Variants in RBMXL1 observed in about 807,000 individuals in gnomAD.
RBMXL1 encodes the protein RBMX like 1.
In RBMXL1, 18 loss-of-function variants were observed where a neutral mutation model predicts 29.0. The observed-to-expected ratio is 0.62, with a 90% CI of 0.43 to 0.92. RBMXL1 has a LOEUF of 0.92. RBMXL1 is among the 40% of genes least tolerant of loss of function. The pLI is 0.00. For missense variants in RBMXL1, 403 were observed against 495.8 expected, an observed-to-expected ratio of 0.81 and a Z score of 1.78; for synonymous variants, 141 against 170.4, an observed-to-expected ratio of 0.83 and a Z score of 1.34.
At chr1:88,989,308 G>A (rs937965978) in intron 1 of RBMXL1, among the ~76,000 whole-genome samples, 1 of 152,082 alleles carries the variant, frequency 6.6e-6, no homozygotes, top group Admixed American at 6.5e-5. Context: ...AAGGGGGGTT[G>A]GGTTTATATA....
chr1:88,990,472 T>C (rs1677723881), intron 1 of RBMXL1, among the ~76,000 whole-genome samples: 1 of 152,208 alleles, frequency 6.6e-6, no homozygotes, highest in South Asian at 2.1e-4. Context: ...CCAGTGGACA[T>C]TTTGCAATTC....
At chr1:88,989,425 T>A (rs1292675480) in intron 1 of RBMXL1, among the ~76,000 whole-genome samples, 1 of 152,214 alleles carries the variant, frequency 6.6e-6, no homozygotes, top group Non-Finnish European at 1.5e-5. Flanking sequence ...GGGCCTCAGT[T>A]TCTCCATTTT....
At chr1:88,989,888 A>G (rs1677688329) in intron 1 of RBMXL1, among the ~76,000 whole-genome samples, 1 of 152,190 alleles carries the variant, frequency 6.6e-6, no homozygotes, top group African/African-American at 2.4e-5. Flanking sequence ...ACTGCTGGAG[A>G]AAGTCCCACG....
chr1:88,981,877 T>C lies in RBMXL1; in HGVS notation c.*777A>G, dbSNP rs1677105236. On this transcript the variant is annotated 3_prime_UTR_variant, in exon 3 of 3. Coordinates refer to ENST00000652648, the MANE Select transcript of RBMXL1 (RefSeq NM_001162536.3). Reference sequence around the variant, plus strand: ...ATTCATTGCTTATCTATTTTCTCCTTTGCAATCAAGCTGTTCCTTTAAAAG... The same window carrying C: ...ATTCATTGCTTATCTATTTTCTCCTCTGCAATCAAGCTGTTCCTTTAAAAG... 1 of 787,324 alleles carries C rather than the reference T, an allele frequency of 1.3e-6. No individual in the cohort carries two copies. The highest frequency in any genetic ancestry group is 1.5e-6 in the Non-Finnish European group (1 of 648,774). The allele number at this position is 787,324 out of a possible 1,614,324, so 48.8% of individuals were successfully genotyped here. A position where few individuals can be genotyped will look rare whatever the true frequency, so the allele number is the denominator to read the frequency against.
chr1:88,984,503 G>A (rs1422942310), intron 2 of RBMXL1, among the ~76,000 whole-genome samples: 1 of 152,152 alleles, frequency 6.6e-6, no homozygotes, highest in Non-Finnish European at 1.5e-5. Flanking sequence ...AGCTACCACG[G>A]CTGGCCTTAA....
rs573078989 is a variant in RBMXL1, at chr1:88,979,563, A to T, written c.*3091T>A. On this transcript the variant is annotated 3_prime_UTR_variant, in exon 3 of 3. Transcript: ENST00000652648. ...AAAGATTTGACAGCCACTTCACAGA[A>T]AATATACAACTGGCCAAAAAGTACC... 1.3e-5 allele frequency: 2 copies of T among 152,324 alleles called. No homozygotes were observed. Among genetic ancestry groups the T allele is most frequent in the East Asian group, 3.9e-4 (2 of 5,178 alleles). 9.4% of individuals were successfully genotyped at this position (152,324 alleles called of 1,614,324 possible).
In RBMXL1 at chr1:88,982,690, G is replaced by GC; in HGVS notation, c.1136dup (p.Ser379ArgfsTer4). On this transcript the variant is annotated frameshift_variant, in exon 3 of 3. Coordinates refer to ENST00000652648, the MANE Select transcript of RBMXL1 (RefSeq NM_001162536.3). LOFTEE classifies it high-confidence loss of function. ...TTCTGCCTCCCCCTCTATCAGATCG[G>GC]CTTCCTCCAGGGCCAGCACCTCTTG... is the stretch of plus-strand genomic sequence containing the variant. 1.9e-6 allele frequency: 3 copies of GC among 1,613,436 alleles called. No homozygotes were observed. The highest frequency in any genetic ancestry group is 1.7e-6 in the Non-Finnish European group (2 of 1,179,636).
In RBMXL1 at chr1:88,983,883, C is replaced by T; in HGVS notation, c.-57G>A. The stretch of plus-strand genomic sequence containing the variant: ...CAGTGGGTTCAAGCTCCAACAAGCT[C>T]GCCGACAGGGGCTTCCTAGCAGCTC... On this transcript the variant is annotated 5_prime_UTR_variant, in exon 3 of 3. Transcript: ENST00000652648. 1 of 1,608,192 alleles carries T rather than the reference C, an allele frequency of 6.2e-7. No homozygotes were observed. Among genetic ancestry groups the T allele is most frequent in the East Asian group, 2.2e-5 (1 of 44,828 alleles).
At chr1:88,985,968 C>T (rs1677424692) in intron 2 of RBMXL1, among the ~76,000 whole-genome samples, 1 of 151,854 alleles carries the variant, frequency 6.6e-6, no homozygotes. Flanking sequence ...ATCACTTGAG[C>T]CCAGTAGTTT....
At position 88,983,732 on chromosome 1, in the gene RBMXL1, C is replaced by A; in HGVS notation, c.95G>T (p.Gly32Val). ...KALETVFGKYGRIVEVLLIKD... is the reference protein window; with the variant it reads ...KALETVFGKYVRIVEVLLIKD... ...TATCAAGAGTACTTCCACTATTCGT[C>A]CATATTTGCCAAATACTGTTTCAAG... Residue 32 changes from glycine to valine, a missense_variant, in exon 3 of 3, where the codon GGA becomes GTA. Transcript: ENST00000652648. 1 of 1,614,060 alleles carries A rather than the reference C, an allele frequency of 6.2e-7. No homozygotes were observed. The highest frequency in any genetic ancestry group is 1.3e-5 in the African/African-American group (1 of 75,068).
chr1:88,984,656 T>G (rs1329283792), intron 2 of RBMXL1, among the ~76,000 whole-genome samples: 2 of 152,228 alleles, frequency 1.3e-5, no homozygotes, highest in South Asian at 2.1e-4. Context: ...CTCTGAGAGA[T>G]AATGTATTTG....
Position 88,982,611 on chromosome 1 carries a change from T to G in RBMXL1, c.*43A>C. 1 of 1,546,434 alleles carries G rather than the reference T, an allele frequency of 6.5e-7. No homozygotes were observed. Among genetic ancestry groups the G allele is most frequent in the Admixed American group, 2.1e-5 (1 of 47,192 alleles). On this transcript the variant is annotated 3_prime_UTR_variant, in exon 3 of 3. Coordinates refer to ENST00000652648, the MANE Select transcript of RBMXL1 (RefSeq NM_001162536.3). ...ATAGAATAGTTTCCACTCTTTTTTTTGTTTCTTTGAACTGGGATTTTGGTC... is the reference window on the plus strand; with the variant it reads ...ATAGAATAGTTTCCACTCTTTTTTTGGTTTCTTTGAACTGGGATTTTGGTC...
chr1:88,988,202 G>T, intron 2 of RBMXL1, 50 bp downstream of exon 2: 1 of 1,156,520 alleles, frequency 8.6e-7, no homozygotes, highest in Non-Finnish European at 1.3e-6. Flanking sequence ...ATATTTTTTG[G>T]ACAGTGCAGA....
chr1:88,986,944 A>G (rs1232293433), intron 2 of RBMXL1, among the ~76,000 whole-genome samples: 1 of 152,208 alleles, frequency 6.6e-6, no homozygotes, highest in Non-Finnish European at 1.5e-5. Context: ...CACTTTTCCA[A>G]TGTAGTTAAA....
At position 88,982,861 on chromosome 1, in the gene RBMXL1, T is replaced by C. The variant is rs745605295; in HGVS notation, c.966A>G (p.Gly322=). The change falls in exon 3 of 3, where the codon GGA becomes GGG. Residue 322 remains glycine, a synonymous_variant. Transcript: ENST00000652648. The part of the protein sequence containing the change: ...DYSSSRDGYG[G]SRDSYSSSRS... ...GGCTGCTTGAGTAACTGTCTCGACTTCCACCATATCCATCACGTGAGCTGC... is the reference window on the plus strand; with the variant it reads ...GGCTGCTTGAGTAACTGTCTCGACTCCCACCATATCCATCACGTGAGCTGC... 2 of 1,613,974 alleles carry C rather than the reference T, an allele frequency of 1.2e-6. No individual in the cohort carries two copies. Among genetic ancestry groups the C allele is most frequent in the South Asian group, 1.1e-5 (1 of 91,080 alleles).
At chr1:88,991,616 C>T (rs1371475211) in intron 1 of RBMXL1, among the ~76,000 whole-genome samples, 1 of 152,142 alleles carries the variant, frequency 6.6e-6, no homozygotes, top group Non-Finnish European at 1.5e-5. Flanking sequence ...AGAACAAGAG[C>T]GGAAAGAATT....
chr1:88,982,760 T>A lies in RBMXL1; in HGVS notation c.1067A>T (p.Tyr356Phe). Residue 356 changes from tyrosine to phenylalanine, a missense_variant, in exon 3 of 3, where the codon TAC (tyrosine) becomes TTC (phenylalanine). Transcript: ENST00000652648. The part of the protein sequence containing the change: ...RGLPPSVERG[Y>F]PSSRDSYSSS... ...GCTGTAGGAATCACGTGAAGAAGGG[T>A]ACCCCCTTTCTACAGAAGGGGGAAG... 1 of 1,613,918 alleles carries A rather than the reference T, an allele frequency of 6.2e-7. No homozygotes were observed. The highest frequency in any genetic ancestry group is 1.1e-5 in the South Asian group (1 of 91,082).
rs1289099718 is a variant in RBMXL1 at position 88,981,156 on chromosome 1, A to G, written c.*1498T>C. 6.6e-6 allele frequency: 1 copy of G among 152,174 alleles called. No individual in the cohort carries two copies. The highest frequency in any genetic ancestry group is 1.5e-5 in the Non-Finnish European group (1 of 68,036). The allele number at this position is 152,174 out of a possible 1,614,324, so 9.4% of individuals were successfully genotyped here. ...CAGCAAAAGAAAGCCAAGTGGCCCA[A>G]TTGTTTCCAGTGTGTTTGCCATCTT... On this transcript the variant is annotated 3_prime_UTR_variant, in exon 3 of 3. Coordinates refer to ENST00000652648, the MANE Select transcript of RBMXL1 (RefSeq NM_001162536.3).
At position 88,983,709 on chromosome 1, in the gene RBMXL1, T is replaced by G. The variant is rs1221861336; in HGVS notation, c.118A>C (p.Ile40Leu). ...KYGRIVEVLL[I>L]KDRETNKSRG... Reference sequence around the variant, plus strand: ...GATTTGTTGGTTTCACGGTCTTTTATCAAGAGTACTTCCACTATTCGTCCA... The same window carrying G: ...GATTTGTTGGTTTCACGGTCTTTTAGCAAGAGTACTTCCACTATTCGTCCA... The change falls in exon 3 of 3, where the codon ATA becomes CTA. Residue 40 changes from isoleucine to leucine, a missense_variant. Transcript: ENST00000652648. The G allele has an allele frequency of 3.7e-6, 6 of 1,613,830 alleles. No homozygotes were observed. In the African/African-American group the frequency reaches 8.0e-5, roughly 22 times the overall value.
Sources: gnomAD v4.1 joint callset for allele counts (sites outside exome capture counted in the v4.1 genomes callset) on GRCh38, gnomAD v4.1.1 for gene constraint, MANE v1.5 for transcripts, NCBI Gene and HGNC (gene_info 2026-07-23, HGNC 2026-07-21) for gene names.